Variants in ZNF521 observed in about 807,000 individuals in gnomAD.
The protein encoded by ZNF521 is LYST-interacting protein 3.
In ZNF521, 14 loss-of-function variants were observed where a neutral mutation model predicts 105.5. That is an observed-to-expected ratio of 0.13 (90% CI 0.09 to 0.21). ZNF521 has a LOEUF of 0.21. Among genes scored for constraint, ZNF521 ranks in the 10% least tolerant of loss-of-function variants. The pLI, the probability that ZNF521 is intolerant of heterozygous loss-of-function variation, is 1.00. For synonymous variants in ZNF521, 635 were observed against 606.0 expected, an observed-to-expected ratio of 1.05 and a Z score of -0.70; for missense variants, 1,233 against 1,629.7, an observed-to-expected ratio of 0.76 and a Z score of 4.19.
At chr18:25,187,100 T>C (rs2035738851) in intron 5 of ZNF521, among the ~76,000 whole-genome samples, 1 of 152,130 alleles carries the variant, frequency 6.6e-6, no homozygotes, top group South Asian at 2.1e-4. Context: ...AAGTGCTCTT[T>C]AAGTTAGATA....
rs879209131 is a variant in ZNF521, at chr18:25,089,359, T to C, written c.3906+106A>G. 57 of 819,682 alleles carry C rather than the reference T, an allele frequency of 7.0e-5. No homozygotes were observed. The South Asian group carries it at 8.5e-4, about 12-fold the overall frequency. 50.8% of individuals were successfully genotyped at this position (819,682 alleles called of 1,614,324 possible). A position where few individuals can be genotyped will look rare whatever the true frequency, so the allele number is the denominator to read the frequency against. On this transcript the variant is annotated intron_variant, in intron 7 of 7. Coordinates refer to ENST00000361524, the MANE Select transcript of ZNF521 (RefSeq NM_015461.3). ...TGCCCCCAATACACACAAAGCATCA[T>C]GGTGGCCCAGGGTGAGTGATACTGT...
At chr18:25,306,395 G>A (rs1312626529) in intron 3 of ZNF521, among the ~76,000 whole-genome samples, 4 of 152,068 alleles carry the variant, frequency 2.6e-5, no homozygotes, top group Non-Finnish European at 5.9e-5. Context: ...TCTTTTTTGG[G>A]GGGGAAAGGT....
intron 5 of ZNF521, among the ~76,000 whole-genome samples, chr18:25,121,658 T>G (rs1277774813): frequency 6.6e-6 from 1 of 151,786 alleles, no homozygotes; most frequent in Non-Finnish European, 1.5e-5. Flanking sequence ...AGGGGGACAG[T>G]GAAGGAACAA....
At chr18:25,078,218 G>C (rs143054932) in intron 7 of ZNF521, among the ~76,000 whole-genome samples, 2 of 152,150 alleles carry the variant, frequency 1.3e-5, no homozygotes, top group African/African-American at 4.8e-5. Context: ...TGCCTGCCTC[G>C]GAACAGAACG....
intron 5 of ZNF521, among the ~76,000 whole-genome samples, chr18:25,180,606 C>G (rs2035616357): frequency 6.6e-6 from 1 of 151,800 alleles, no homozygotes; most frequent in Non-Finnish European, 1.5e-5. Context: ...GATTTAGAAG[C>G]AATCTTTTCA....
At chr18:25,091,312 CAAATG>C (rs2033739584) in intron 6 of ZNF521, among the ~76,000 whole-genome samples, 1 of 152,058 alleles carries the variant, frequency 6.6e-6, no homozygotes, top group African/African-American at 2.4e-5. Flanking sequence ...CCATGGGCTT[CAAATG>C]AGAGTTTCAG....
At chr18:25,125,857 C>T (rs950668733) in intron 5 of ZNF521, among the ~76,000 whole-genome samples, 2 of 151,820 alleles carry the variant, frequency 1.3e-5, no homozygotes, top group Non-Finnish European at 2.9e-5. Flanking sequence ...TATTAGTCCA[C>T]ATTTTGCAAG....
chr18:25,222,473 C>T (rs1357524563), intron 4 of ZNF521, among the ~76,000 whole-genome samples: 1 of 152,160 alleles, frequency 6.6e-6, no homozygotes, highest in African/African-American at 2.4e-5. Context: ...AAGACACAGG[C>T]ATATGCCCTT....
At chr18:25,173,365 C>A (rs923853273) in intron 5 of ZNF521, among the ~76,000 whole-genome samples, 1 of 152,202 alleles carries the variant, frequency 6.6e-6, no homozygotes, top group African/African-American at 2.4e-5. Flanking sequence ...CTGACCTGGA[C>A]ACCTTTTCCT....
chr18:25,338,164 C>T (rs1219305456), intron 2 of ZNF521, among the ~76,000 whole-genome samples: 3 of 151,970 alleles, frequency 2.0e-5, no homozygotes, highest in Admixed American at 1.3e-4. Flanking sequence ...AACATATAAT[C>T]GGCCGTCCAG....
intron 5 of ZNF521, among the ~76,000 whole-genome samples, chr18:25,152,764 A>C (rs1343272114): frequency 6.6e-6 from 1 of 152,188 alleles, no homozygotes; most frequent in East Asian, 1.9e-4. Flanking sequence ...CTACAGGTTT[A>C]ATTTCATGAG....
chr18:25,116,995 A>ATG, intron 5 of ZNF521, among the ~76,000 whole-genome samples: 5 of 141,008 alleles, frequency 3.5e-5, no homozygotes, highest in African/African-American at 1.3e-4. Flanking sequence ...ACACACACAC[A>ATG]TATATATACA....
intron 7 of ZNF521, among the ~76,000 whole-genome samples, chr18:25,079,601 AAG>A (rs34772670): frequency 0.012 from 1,714 of 148,128 alleles, 24 homozygotes; most frequent in African/African-American, 0.04. Context: ...AGGAAAAAGT[AAG>A]AGAGAGAGAG....
intron 6 of ZNF521, among the ~76,000 whole-genome samples, chr18:25,090,397 T>C (rs2033717923): frequency 6.6e-6 from 1 of 152,212 alleles, no homozygotes; most frequent in Non-Finnish European, 1.5e-5. Flanking sequence ...AAAATTATTC[T>C]AATTGCCAGC....
Position 25,235,533 on chromosome 18 carries a change from T to C in ZNF521, c.221-7836A>G, listed in dbSNP as rs575983541. Among the ~76,000 whole-genome samples the C allele has an allele frequency of 2.6e-4, 40 of 152,332 alleles. 1 individual carries two copies. The South Asian group carries it at 8.3e-3, about 32-fold the overall frequency. ...AGAATTTTCAAAAAACGAAATCAAA[T>C]TCTATTTCAAAGCAGCATCTGGTCT... On this transcript the variant is annotated intron_variant, in intron 3 of 7. Coordinates refer to ENST00000361524, the MANE Select transcript of ZNF521 (RefSeq NM_015461.3).
At chr18:25,292,100 C>T (rs1911064842) in intron 3 of ZNF521, among the ~76,000 whole-genome samples, 1 of 152,122 alleles carries the variant, frequency 6.6e-6, no homozygotes, top group Admixed American at 6.5e-5. Flanking sequence ...TAAACTGCCA[C>T]ATATTATTTT....
intron 4 of ZNF521, among the ~76,000 whole-genome samples, chr18:25,200,454 A>C (rs1024638225): frequency 6.6e-6 from 1 of 151,582 alleles, no homozygotes; most frequent in African/African-American, 2.4e-5. Context: ...TGTCTTGCTC[A>C]ATACAAAAAT....
intron 2 of ZNF521, among the ~76,000 whole-genome samples, chr18:25,342,513 C>T (rs76167840): frequency 0.15 from 17,982 of 120,710 alleles, 1,942 homozygotes; most frequent in Admixed American, 0.18. Context: ...ACTGAAAGCT[C>T]CGCCTCCCAG....
Position 25,225,169 on chromosome 18 carries a change from C to A in ZNF521, c.2749G>T (p.Ala917Ser), listed in dbSNP as rs774759635. Residue 917 changes from alanine (A) to serine (S), a missense_variant, in exon 4 of 8, where the codon GCC (alanine) becomes TCC (serine). Physicochemically the swap from Ala to Ser is moderately conservative, Grantham distance 99 (BLOSUM62 1). Around this residue, in one of 6 missense-constraint regions of ZNF521, gnomAD observed 614 missense variants for 751.5 expected, o/e 0.82. Coordinates refer to ENST00000361524, the MANE Select transcript of ZNF521 (RefSeq NM_015461.3). This position sits in a 1 kb window ranked among gnomAD's most constrained non-coding sequence, Gnocchi z 5.6. ...RDHNIRPGESAIVKKKAELIK... is the reference protein window; with the variant it reads ...RDHNIRPGESSIVKKKAELIK... The stretch of plus-strand genomic sequence containing the variant: ...AGCTCAGCTTTCTTTTTCACGATGG[C>A]ACTTTCTCCAGGTCTGATGTTGTGG... 1.9e-6 allele frequency: 3 copies of A among 1,614,024 alleles called. No homozygotes were observed. Among genetic ancestry groups the A allele is most frequent in the African/African-American group, 2.7e-5 (2 of 74,906 alleles).
Sources: gnomAD v4.1 joint callset for allele counts (sites outside exome capture counted in the v4.1 genomes callset) on GRCh38, gnomAD v4.1.1 for gene constraint, gnomAD v4.1.1 regional missense constraint, Gnocchi (gnomAD v3.1) non-coding constraint, MANE v1.5 for transcripts, NCBI Gene and HGNC (gene_info 2026-07-23, HGNC 2026-07-21) for gene names.